The following CELF2 variants were observed in gnomAD, a reference collection of about 807,000 sequenced individuals.
CELF2 encodes CUG triplet repeat RNA-binding protein 2.
CELF2 carries 8 observed loss-of-function variants against 62.6 expected under a neutral mutation model. That is an observed-to-expected ratio of 0.13 (90% CI 0.07 to 0.23). The LOEUF (loss-of-function observed/expected upper bound fraction) is 0.23, where lower values mean the gene tolerates loss of function less well. Among genes scored for constraint, CELF2 ranks in the 10% least tolerant of loss-of-function variants. The pLI is 1.00. For missense variants in CELF2, 333 were observed against 671.0 expected, an observed-to-expected ratio of 0.50 and a Z score of 5.56; for synonymous variants, 258 against 250.0, an observed-to-expected ratio of 1.03 and a Z score of -0.30.
intron 1 of CELF2, among the ~76,000 whole-genome samples, chr10:10,809,150 A>T (rs1172974023): frequency 6.6e-6 from 1 of 151,994 alleles, no homozygotes; most frequent in Non-Finnish European, 1.5e-5. Flanking sequence ...GCCATAGCTC[A>T]CTCGTGCTTG....
intron 2 of CELF2, among the ~76,000 whole-genome samples, chr10:11,206,641 C>T (rs1032860744): frequency 1.3e-5 from 2 of 152,200 alleles, no homozygotes; most frequent in South Asian, 2.1e-4. Context: ...AGCCAATTAA[C>T]GTCCACTTTA....
chr10:10,760,952 T>C, the CELF2 span, among the ~76,000 whole-genome samples: 1 of 152,168 alleles, frequency 6.6e-6, no homozygotes, highest in Non-Finnish European at 1.5e-5. Context: ...CAATGGGAAG[T>C]CACAGAAGAA....
At chr10:10,528,720 C>G in the CELF2 span, among the ~76,000 whole-genome samples, 4 of 152,170 alleles carry the variant, frequency 2.6e-5, no homozygotes, top group African/African-American at 9.7e-5. Context: ...TCTTTAAGAT[C>G]TTTTATCACC....
At chr10:10,889,829 G>A (rs1022738808) in intron 1 of CELF2, among the ~76,000 whole-genome samples, 5 of 152,164 alleles carry the variant, frequency 3.3e-5, no homozygotes, top group Non-Finnish European at 7.3e-5. Flanking sequence ...AACTTAAACC[G>A]TGGTTCTGAT....
chr10:11,034,583 C>T (rs1174660067), intron 1 of CELF2, among the ~76,000 whole-genome samples: 2 of 152,082 alleles, frequency 1.3e-5, no homozygotes, highest in African/African-American at 2.4e-5. Flanking sequence ...CTTCTGTGAT[C>T]TTGGCCATTT....
chr10:11,323,424 A>AAATAATAATAAT (rs57666869), intron 11 of CELF2, among the ~76,000 whole-genome samples: 6,347 of 141,594 alleles, frequency 0.045, 248 homozygotes, highest in East Asian at 0.17. Flanking sequence ...GGCAGAGCAA[A>AAATAATAATAAT]AATAATAATA....
intron 1 of CELF2, among the ~76,000 whole-genome samples, chr10:10,819,554 A>C (rs2056784759): frequency 6.6e-6 from 1 of 152,064 alleles, no homozygotes; most frequent in Admixed American, 6.6e-5. Context: ...CTCTTTGAGA[A>C]GTTTGCTCTC....
In CELF2 at chr10:11,249,200, C is replaced by T. The variant is rs1589815159; in HGVS notation, c.402C>T (p.Asn134=). ...AACCTGCAGATAGTGAAAAGTCCAA[C>T]GGTAGGTGGTAACCAACTGTCTTGC... ...QMKPADSEKS[N]AVEDRKLFIG... is the part of the protein sequence containing the mutation. The change falls in exon 4 of 13, where the codon AAC becomes AAT. Residue 134 remains asparagine (N), a splice_region_variant and synonymous_variant. Transcript: ENST00000633077. The T allele has an allele frequency of 3.7e-6, 6 of 1,610,890 alleles. No individual in the cohort carries two copies. The highest frequency in any genetic ancestry group is 5.1e-6 in the Non-Finnish European group (6 of 1,177,046).
At chr10:11,024,209 A>G (rs950885740) in intron 1 of CELF2, among the ~76,000 whole-genome samples, 3 of 152,226 alleles carry the variant, frequency 2.0e-5, no homozygotes, top group Non-Finnish European at 2.9e-5. Context: ...CCTCCAGATC[A>G]GCAGCCCAGG....
intron 1 of CELF2, among the ~76,000 whole-genome samples, chr10:11,154,643 A>G (rs138716597): frequency 6.6e-6 from 1 of 152,364 alleles, no homozygotes; most frequent in Non-Finnish European, 1.5e-5. Context: ...GGAAAATTGT[A>G]GGAAATGTAC....
chr10:10,931,542 C>T lies in CELF2; in HGVS notation c.89+11543C>T, dbSNP rs374603784. Among the ~76,000 whole-genome samples, 9 of 152,140 alleles carry T rather than the reference C, an allele frequency of 5.9e-5. No homozygotes were observed. Among genetic ancestry groups the T allele is most frequent in the African/African-American group, 9.7e-5 (4 of 41,406 alleles). On this transcript the variant is annotated intron_variant, in intron 2 of 13. Transcript: ENST00000636488. This position sits in a 1 kb window ranked among gnomAD's most constrained non-coding sequence, Gnocchi z 6.1. The stretch of plus-strand genomic sequence containing the variant: ...CAACCTGTGGAACTCAGGCTAGCAT[C>T]GACATAGTGACACCTGGTGGCCCCT...
chr10:10,878,504 G>A (rs2061251014), intron 1 of CELF2, among the ~76,000 whole-genome samples: 3 of 152,148 alleles, frequency 2.0e-5, no homozygotes, highest in Admixed American at 2.0e-4. Context: ...CTGAGATTGG[G>A]GGGCTTCTGT....
the CELF2 span, among the ~76,000 whole-genome samples, chr10:10,534,676 C>T: frequency 6.6e-6 from 1 of 152,138 alleles, no homozygotes; most frequent in East Asian, 1.9e-4. Context: ...CAAGTAAAAT[C>T]CTATCTTGGA....
intron 6 of CELF2, 130 bp downstream of exon 6, chr10:11,266,807 C>G (rs1590170181): frequency 1.6e-6 from 1 of 616,938 alleles, no homozygotes; most frequent in African/African-American, 2.0e-5. Flanking sequence ...AGTTTTCATT[C>G]ATTCATTCTC....
the CELF2 span, among the ~76,000 whole-genome samples, chr10:10,467,071 T>C: frequency 6.6e-6 from 1 of 152,144 alleles, no homozygotes; most frequent in Middle Eastern, 3.4e-3. Context: ...ACCACCAGTA[T>C]ACCAACATAC....
At chr10:10,514,718 G>T in the CELF2 span, among the ~76,000 whole-genome samples, 1 of 152,150 alleles carries the variant, frequency 6.6e-6, no homozygotes, top group Non-Finnish European at 1.5e-5. Flanking sequence ...TAAATCTCTA[G>T]AGATTTAAGA....
intron 1 of CELF2, among the ~76,000 whole-genome samples, chr10:11,045,883 A>G (rs2139751360): frequency 6.6e-6 from 1 of 152,348 alleles, no homozygotes; most frequent in East Asian, 1.9e-4. Context: ...TAATCTGGCC[A>G]GGACACTCAC....
rs1448748968 is a variant in CELF2, at chr10:11,297,956, C to A, written c.976+9404C>A. On this transcript the variant is annotated intron_variant, in intron 9 of 12. Transcript: ENST00000633077. The surrounding 1 kb of genome is among the most constrained non-coding windows in gnomAD (Gnocchi z 4.4). Reference sequence around the variant, plus strand: ...GAGATCACGTCACTGCACTCCAGCCCAGGTGACAAGAGCAAGGCTCTATCT... The same window carrying A: ...GAGATCACGTCACTGCACTCCAGCCAAGGTGACAAGAGCAAGGCTCTATCT... Among the ~76,000 whole-genome samples the A allele has an allele frequency of 6.6e-6, 1 of 152,172 alleles. No individual in the cohort carries two copies. The highest frequency in any genetic ancestry group is 1.5e-5 in the Non-Finnish European group (1 of 68,022).
chr10:11,208,633 G>C (rs1425716608), intron 2 of CELF2, among the ~76,000 whole-genome samples: 1 of 152,238 alleles, frequency 6.6e-6, no homozygotes, highest in Non-Finnish European at 1.5e-5. Flanking sequence ...AGGTAGGTCA[G>C]AGAATTTGTT....
Sources: gnomAD v4.1 joint callset for allele counts (sites outside exome capture counted in the v4.1 genomes callset) on GRCh38, gnomAD v4.1.1 for gene constraint, Gnocchi (gnomAD v3.1) non-coding constraint, MANE v1.5 for transcripts, NCBI Gene and HGNC (gene_info 2026-07-23, HGNC 2026-07-21) for gene names.